Variants in CAMK1D observed in about 807,000 individuals in gnomAD.
CAMK1D encodes calcium/calmodulin-dependent protein kinase type 1D.
Under a neutral mutation model 47.7 loss-of-function variants are expected in CAMK1D, and 9 were observed. That is an observed-to-expected ratio of 0.19 (90% CI 0.11 to 0.33). The LOEUF is 0.33. CAMK1D is among the 10% of genes least tolerant of loss of function. The pLI is 1.00. For synonymous variants in CAMK1D, 184 were observed against 184.9 expected, an observed-to-expected ratio of 0.99 and a Z score of 0.04; for missense variants, 291 against 488.7, an observed-to-expected ratio of 0.60 and a Z score of 3.81.
intron 1 of CAMK1D, among the ~76,000 whole-genome samples, chr10:12,445,168 T>C (rs1832891432): frequency 6.6e-6 from 1 of 152,212 alleles, no homozygotes; most frequent in Admixed American, 6.5e-5. Flanking sequence ...TGCCGGCCAG[T>C]CGTGCCCGAA....
chr10:12,695,063 G>C (rs373016047), intron 3 of CAMK1D, among the ~76,000 whole-genome samples: 26 of 134,562 alleles, frequency 1.9e-4, no homozygotes, highest in African/African-American at 6.0e-4. Context: ...TAGATAGATA[G>C]ATACATAGGT....
At chr10:12,516,985 C>A (rs1835229896) in intron 1 of CAMK1D, among the ~76,000 whole-genome samples, 1 of 152,152 alleles carries the variant, frequency 6.6e-6, no homozygotes. Flanking sequence ...AAACTAATAT[C>A]TTTGTAGTAT....
chr10:12,533,535 A>G (rs1451521313), intron 1 of CAMK1D, among the ~76,000 whole-genome samples: 2 of 152,084 alleles, frequency 1.3e-5, no homozygotes, highest in Non-Finnish European at 2.9e-5. Flanking sequence ...TGCTTTACGG[A>G]AAGTGTTAGG....
chr10:12,651,043 G>A (rs1402511740), intron 2 of CAMK1D, among the ~76,000 whole-genome samples: 1 of 152,170 alleles, frequency 6.6e-6, no homozygotes, highest in Non-Finnish European at 1.5e-5. Flanking sequence ...CTGGAAACAG[G>A]CTTTTGCCGG....
At chr10:12,373,238 A>T (rs1265468898) in intron 1 of CAMK1D, among the ~76,000 whole-genome samples, 5 of 151,608 alleles carry the variant, frequency 3.3e-5, no homozygotes, top group Admixed American at 1.3e-4. Flanking sequence ...ACCTGAGCCC[A>T]GGAAGTTGAG....
chr10:12,561,774 C>T (rs1198641711), intron 2 of CAMK1D, among the ~76,000 whole-genome samples: 5 of 152,158 alleles, frequency 3.3e-5, no homozygotes, highest in African/African-American at 1.2e-4. Context: ...TTGCAAAAAT[C>T]AAAAACATTT....
At chr10:12,683,740 A>AGG (rs1302134206) in intron 3 of CAMK1D, among the ~76,000 whole-genome samples, 9 of 98,638 alleles carry the variant, frequency 9.1e-5, no homozygotes, top group Non-Finnish European at 1.7e-4. Flanking sequence ...TTAGGAATCC[A>AGG]GGTGTGTGTG....
intron 2 of CAMK1D, among the ~76,000 whole-genome samples, chr10:12,553,665 C>A (rs1159877260): frequency 1.3e-5 from 2 of 152,154 alleles, no homozygotes; most frequent in African/African-American, 2.4e-5. Context: ...AGCCCTGAGT[C>A]TTCTCTGTAA....
In CAMK1D at chr10:12,689,663, C is replaced by G. The variant is rs1243356540; in HGVS notation, c.299+22853C>G. ...TGGTAGTGCATGCCTGTAATCCCAG[C>G]TACTCGGGAGGCTAAGGCAGGAGAA... On this transcript the variant is annotated intron_variant, in intron 3 of 10. Transcript: ENST00000619168. Among the ~76,000 whole-genome samples, 6 of 152,004 alleles carry G rather than the reference C, an allele frequency of 3.9e-5. No individual in the cohort carries two copies. In the East Asian group the frequency reaches 1.2e-3, roughly 29 times the overall value.
chr10:12,418,974 C>T (rs1839951055), intron 1 of CAMK1D, among the ~76,000 whole-genome samples: 1 of 152,184 alleles, frequency 6.6e-6, no homozygotes, highest in Admixed American at 6.5e-5. Context: ...AGCCGTTGCT[C>T]ACAGAACACT....
At chr10:12,764,534 T>G (rs988125565) in intron 4 of CAMK1D, among the ~76,000 whole-genome samples, 17 of 152,120 alleles carry the variant, frequency 1.1e-4, no homozygotes, top group Non-Finnish European at 2.1e-4. Flanking sequence ...TGGCCACCCC[T>G]TGCCAGGATT....
Position 12,769,574 on chromosome 10 carries a change from TC to T in CAMK1D, c.439-97del, listed in dbSNP as rs1471085571. On this transcript the variant is annotated intron_variant, in intron 4 of 10. Transcript: ENST00000619168. ...CTACTGTGTCCAAAGGTCAAGGACGTCCTGACGTTGTGAATAGGTTTTGCAG... is the reference window on the plus strand; with the variant it reads ...CTACTGTGTCCAAAGGTCAAGGACGTCTGACGTTGTGAATAGGTTTTGCAG... The T allele has an allele frequency of 2.9e-5, 40 of 1,371,004 alleles. No individual in the cohort carries two copies. In the Admixed American group the frequency reaches 8.1e-4, roughly 28 times the overall value. The allele number at this position is 1,371,004 out of a possible 1,614,324, so 84.9% of individuals were successfully genotyped here.
At chr10:12,588,864 A>ATGTGTGTGTG (rs374126074) in intron 2 of CAMK1D, among the ~76,000 whole-genome samples, 4 of 104,842 alleles carry the variant, frequency 3.8e-5, no homozygotes, top group Non-Finnish European at 7.8e-5. Flanking sequence ...GTATATGTAT[A>ATGTGTGTGTG]TATGTGTGTG....
intron 2 of CAMK1D, among the ~76,000 whole-genome samples, chr10:12,604,040 C>T (rs1278899969): frequency 6.6e-6 from 1 of 152,164 alleles, no homozygotes; most frequent in Non-Finnish European, 1.5e-5. Flanking sequence ...CAGGGCTGGC[C>T]TGTGCCTTCT....
intron 1 of CAMK1D, among the ~76,000 whole-genome samples, chr10:12,431,996 C>G (rs1476796585): frequency 6.6e-6 from 1 of 152,196 alleles, no homozygotes; most frequent in Non-Finnish European, 1.5e-5. Flanking sequence ...GACCATGTCT[C>G]CTTGAGCAGA....
chr10:12,659,763 C>T (rs1328733838), intron 2 of CAMK1D, among the ~76,000 whole-genome samples: 1 of 152,146 alleles, frequency 6.6e-6, no homozygotes, highest in East Asian at 1.9e-4. Flanking sequence ...CCACGCCTCT[C>T]TTTTTGTGTG....
intron 1 of CAMK1D, among the ~76,000 whole-genome samples, chr10:12,527,679 A>G (rs1384114924): frequency 6.6e-6 from 1 of 152,056 alleles, no homozygotes; most frequent in Non-Finnish European, 1.5e-5. Flanking sequence ...CCCAGTTTTG[A>G]CTTGCTTTTG....
intron 2 of CAMK1D, among the ~76,000 whole-genome samples, chr10:12,642,354 G>A (rs997883909): frequency 1.3e-5 from 2 of 152,218 alleles, no homozygotes; most frequent in Non-Finnish European, 2.9e-5. Context: ...ATGAATCGTT[G>A]ACTGTCCTTG....
At chr10:12,781,976 T>A (rs1476327176) in intron 5 of CAMK1D, among the ~76,000 whole-genome samples, 13 of 42,768 alleles carry the variant, frequency 3.0e-4, no homozygotes, top group Non-Finnish European at 3.0e-4. Context: ...TTAATTGTTT[T>A]TTTTTTTTTT....
Sources: gnomAD v4.1 joint callset for allele counts (sites outside exome capture counted in the v4.1 genomes callset) on GRCh38, gnomAD v4.1.1 for gene constraint, MANE v1.5 for transcripts, NCBI Gene and HGNC (gene_info 2026-07-23, HGNC 2026-07-21) for gene names.